EFR3A: variants seen among roughly 807,000 people sequenced by gnomAD.
EFR3A encodes the protein protein EFR3 homolog A.
In EFR3A, 76 loss-of-function variants were observed where a neutral mutation model predicts 104.4. The observed-to-expected ratio is 0.73, with a 90% CI of 0.60 to 0.88. The LOEUF (loss-of-function observed/expected upper bound fraction) is 0.88, where lower values mean the gene tolerates loss of function less well. EFR3A is among the 40% of genes least tolerant of loss of function. The pLI, the probability that EFR3A is intolerant of heterozygous loss-of-function variation, is 0.00. For missense variants in EFR3A, 985 were observed against 1,012.5 expected, an observed-to-expected ratio of 0.97 and a Z score of 0.37; for synonymous variants, 330 against 330.0, an observed-to-expected ratio of 1.00 and a Z score of 0.00.
chr8:131,939,242 G>T (rs77373025), intron 1 of EFR3A, among the ~76,000 whole-genome samples: 2,991 of 152,164 alleles, frequency 0.02, 44 homozygotes, highest in South Asian at 0.042. Context: ...GGGGAAACTT[G>T]TGTGTAGTAA....
chr8:131,946,646 A>G lies in EFR3A; in HGVS notation c.366+13A>G. ...TGGAACAAATTCTGTGAGTAAAACT[A>G]TTCTGTTACTAAATGTATGCTTAAT... On this transcript the variant is annotated intron_variant, in intron 4 of 22. Transcript: ENST00000254624. The G allele has an allele frequency of 6.4e-7, 1 of 1,562,494 alleles. No homozygotes were observed. The highest frequency in any genetic ancestry group is 2.3e-5 in the East Asian group (1 of 42,776).
chr8:131,936,671 C>G (rs1431729383), intron 1 of EFR3A, among the ~76,000 whole-genome samples: 2 of 152,052 alleles, frequency 1.3e-5, no homozygotes, highest in African/African-American at 4.8e-5. Context: ...GAGTGGCTCA[C>G]AGAACTTAGG....
At chr8:132,004,158 C>G (rs916272680) in intron 22 of EFR3A, among the ~76,000 whole-genome samples, 7 of 152,118 alleles carry the variant, frequency 4.6e-5, no homozygotes, top group African/African-American at 1.7e-4. Context: ...CCTCCCATTC[C>G]TGCTATACTC....
Position 131,955,851 on chromosome 8 carries a change from T to C in EFR3A, c.722T>C (p.Leu241Pro), listed in dbSNP as rs1443956779. ...CTGGCTGAAAACTGTTTCAGAGAAC[T>C]GCTGGGTCGAGCAACTTTTGGGAAT... is the stretch of plus-strand genomic sequence containing the variant. ...AVLAENCFRE[L>P]LGRATFGNMN... The change falls in exon 7 of 23, where the codon CTG becomes CCG. Residue 241 changes from leucine to proline, a missense_variant. Physicochemically the swap from Leu to Pro is moderately conservative, Grantham distance 98. Coordinates refer to ENST00000254624, the MANE Select transcript of EFR3A (RefSeq NM_015137.6). The C allele has an allele frequency of 6.2e-7, 1 of 1,613,506 alleles. No homozygotes were observed. Among genetic ancestry groups the C allele is most frequent in the Admixed American group, 1.7e-5 (1 of 59,956 alleles).
intron 14 of EFR3A, among the ~76,000 whole-genome samples, chr8:131,983,529 T>C (rs1820720627): frequency 6.6e-6 from 1 of 152,086 alleles, no homozygotes; most frequent in Non-Finnish European, 1.5e-5. Context: ...TAAATCTTTA[T>C]TATAATAATC....
In EFR3A at chr8:131,968,364, C is replaced by T. The variant is rs1249252273; in HGVS notation, c.925C>T (p.Arg309Trp). 9.9e-6 allele frequency: 16 copies of T among 1,613,416 alleles called. No homozygotes were observed. In the Admixed American group the frequency reaches 1.0e-4, roughly 10 times the overall value. The change falls in exon 9 of 23, where the codon CGG (arginine) becomes TGG (tryptophan). Residue 309 changes from arginine (R) to tryptophan (W), a missense_variant. Physicochemically the swap from Arg to Trp is moderately radical, Grantham distance 101. Transcript: ENST00000254624. ...HLDARKKDAPRVRAGIIQVLL... is the reference protein window; with the variant it reads ...HLDARKKDAPWVRAGIIQVLL... ...TGATGCTCGTAAAAAAGATGCTCCCCGGGTTCGAGCAGGTATTATTCAGGT... is the reference window on the plus strand; with the variant it reads ...TGATGCTCGTAAAAAAGATGCTCCCTGGGTTCGAGCAGGTATTATTCAGGT...
At chr8:131,914,960 A>C (rs541429830) in intron 1 of EFR3A, among the ~76,000 whole-genome samples, 6 of 152,138 alleles carry the variant, frequency 3.9e-5, no homozygotes, top group African/African-American at 1.4e-4. Flanking sequence ...CTCCAGCTCC[A>C]TCTGTTCCCA....
At chr8:132,006,965 A>C (rs1440055971) in intron 22 of EFR3A, among the ~76,000 whole-genome samples, 1 of 151,968 alleles carries the variant, frequency 6.6e-6, no homozygotes, top group Non-Finnish European at 1.5e-5. Context: ...TGTTCATTTA[A>C]GACAAAAATT....
chr8:131,945,614 C>T (rs559281816), intron 3 of EFR3A, among the ~76,000 whole-genome samples: 1 of 152,042 alleles, frequency 6.6e-6, no homozygotes, highest in East Asian at 1.9e-4. Flanking sequence ...TATCCAAAGA[C>T]TGAATTTTAA....
At chr8:131,923,894 T>A (rs370672823) in intron 1 of EFR3A, among the ~76,000 whole-genome samples, 1 of 152,088 alleles carries the variant, frequency 6.6e-6, no homozygotes, top group East Asian at 1.9e-4. Context: ...AATGAAACAG[T>A]TTGAAATTGG....
In EFR3A at chr8:132,002,609, G is replaced by A. The variant is rs771962282; in HGVS notation, c.2213G>A (p.Ser738Asn). 9.3e-6 allele frequency: 15 copies of A among 1,612,224 alleles called. No homozygotes were observed. The African/African-American group carries it at 1.9e-4, about 20-fold the overall frequency. ...TTTATAAATATTTGTATAGATACCA[G>A]TGGAATGGAAGAACAGGAAAAGGAA... ...FEALKKAIDT[S>N]GMEEQEKEKR... Residue 738 changes from serine (S) to asparagine (N), a missense_variant, in exon 21 of 23, where the codon AGT becomes AAT. Coordinates refer to ENST00000254624, the MANE Select transcript of EFR3A (RefSeq NM_015137.6).
At chr8:131,910,055 C>G (rs2130376606) in intron 1 of EFR3A, among the ~76,000 whole-genome samples, 1 of 152,348 alleles carries the variant, frequency 6.6e-6, no homozygotes, top group African/African-American at 2.4e-5. Flanking sequence ...CAGTTTCCTT[C>G]AGGGAGCCAG....
At chr8:131,981,141 T>C (rs1820592299) in intron 14 of EFR3A, among the ~76,000 whole-genome samples, 1 of 151,926 alleles carries the variant, frequency 6.6e-6, no homozygotes, top group Non-Finnish European at 1.5e-5. Flanking sequence ...ATAATGAATT[T>C]TGTAAACTCA....
At chr8:132,003,434 C>A in intron 22 of EFR3A, 149 bp downstream of exon 22, 1 of 744,254 alleles carries the variant, frequency 1.3e-6, no homozygotes, top group South Asian at 2.3e-5. Context: ...ATAGGTGATC[C>A]TTTGCTTAAT....
At chr8:131,910,203 C>T (rs1816450063) in intron 1 of EFR3A, among the ~76,000 whole-genome samples, 1 of 152,216 alleles carries the variant, frequency 6.6e-6, no homozygotes, top group African/African-American at 2.4e-5. Flanking sequence ...TTTTGGGGAA[C>T]TCATTCTGCT....
In EFR3A at chr8:131,984,234, T is replaced by C. The variant is rs778324776; in HGVS notation, c.1671T>C (p.Leu557=). 1 of 1,611,308 alleles carries C rather than the reference T, an allele frequency of 6.2e-7. No individual in the cohort carries two copies. The highest frequency in any genetic ancestry group is 1.7e-5 in the Admixed American group (1 of 59,656). Residue 557 remains leucine, a synonymous_variant, in exon 15 of 23, where the codon CTT becomes CTC. Coordinates refer to ENST00000254624, the MANE Select transcript of EFR3A (RefSeq NM_015137.6). ...NYELLYTSLA[L]ITIELANEEV... is the part of the protein sequence containing the mutation. ...AACTACTTTATACTTCTCTTGCTCT[T>C]ATAACTATTGAACTGGCTAATGAAG...
At chr8:131,904,787 G>T (rs1053756015) in intron 1 of EFR3A, among the ~76,000 whole-genome samples, 1 of 152,238 alleles carries the variant, frequency 6.6e-6, no homozygotes, top group Admixed American at 6.5e-5. Flanking sequence ...CTCGGCGTCC[G>T]TATCGCCGTC....
intron 1 of EFR3A, among the ~76,000 whole-genome samples, chr8:131,928,609 A>G (rs1055896588): frequency 1.3e-5 from 2 of 152,028 alleles, no homozygotes; most frequent in African/African-American, 4.8e-5. Context: ...TCCTTTTTCC[A>G]TGTCAGATGT....
chr8:131,991,852 A>G (rs1821203824), intron 18 of EFR3A, among the ~76,000 whole-genome samples: 1 of 152,106 alleles, frequency 6.6e-6, no homozygotes, highest in Admixed American at 6.5e-5. Flanking sequence ...AGCTTCCACA[A>G]AGGGAAAGGT....
Sources: allele counts gnomAD v4.1 joint callset (sites outside exome capture counted in the v4.1 genomes callset), GRCh38; gene constraint gnomAD v4.1.1; transcripts MANE v1.5; gene names NCBI Gene and HGNC (gene_info 2026-07-23, HGNC 2026-07-21).